ULK4: variants seen among roughly 807,000 people sequenced by gnomAD.
The protein encoded by ULK4 is inactive serine/threonine-protein kinase ULK4.
ULK4 carries 133 observed loss-of-function variants against 160.6 expected under a neutral mutation model. That is an observed-to-expected ratio of 0.83 (90% confidence interval 0.72 to 0.96). The LOEUF (loss-of-function observed/expected upper bound fraction) is 0.96. ULK4 is among the 40% of genes least tolerant of loss of function. The pLI is 0.00. For synonymous variants in ULK4, 534 were observed against 539.8 expected (o/e 0.99, Z 0.15); for missense variants, 1,580 against 1,499.5 (o/e 1.05, Z -0.89).
At chr3:41,826,540 C>G (rs1252627495) in intron 18 of ULK4, among the ~76,000 whole-genome samples, 2 of 149,812 alleles carry the variant, frequency 1.3e-5, no homozygotes, top group African/African-American at 2.5e-5. Flanking sequence ...TTTAAACCAA[C>G]AAAGATCAAA....
chr3:41,649,096 C>T (rs9832843), intron 30 of ULK4, among the ~76,000 whole-genome samples: 16,432 of 151,664 alleles, frequency 0.11, 1,022 homozygotes, highest in African/African-American at 0.16. Context: ...CCACTGCACT[C>T]CAGCCTGGGT....
rs371284862 is a variant in ULK4, at chr3:41,954,730, G to C, written c.30C>G (p.Ile10Met). 1.9e-6 allele frequency: 3 copies of C among 1,613,762 alleles called. No individual in the cohort carries two copies. The highest frequency in any genetic ancestry group is 2.5e-6 in the Non-Finnish European group (3 of 1,179,868). MENFILYEE[I>M]GRGSKTVVYK... ...AGACAACAGTCTTGCTTCCTCTTCC[G>C]ATCTCCTCATACAGAATAAAGTTTT... The change falls in exon 2 of 37, where the codon ATC (isoleucine) becomes ATG (methionine). Residue 10 changes from isoleucine (I) to methionine (M), a missense_variant. Physicochemically the swap from Ile to Met is conservative, Grantham distance 10 (BLOSUM62 1). Transcript: ENST00000301831.
chr3:41,685,584 C>T (rs181997999), intron 27 of ULK4, among the ~76,000 whole-genome samples: 149 of 152,314 alleles, frequency 9.8e-4, no homozygotes, highest in Non-Finnish European at 1.6e-3. Flanking sequence ...GAAGGAATGG[C>T]AGCCTTGTTG....
Position 41,470,497 on chromosome 3 carries a change from C to T in ULK4, c.3227-7244G>A, listed in dbSNP as rs2083961375. On this transcript the variant is annotated intron_variant, in intron 32 of 36. Transcript: ENST00000301831. The stretch of plus-strand genomic sequence containing the variant: ...AAGAGAGTTAAGTTAAACAAAAAAC[C>T]ACTAATAACATAAAACACACAAAAT... Among the ~76,000 whole-genome samples the T allele has an allele frequency of 2.6e-5, 4 of 152,030 alleles. No individual in the cohort carries two copies. In the South Asian group the frequency reaches 8.3e-4, roughly 32 times the overall value.
chr3:41,883,866 G>A lies in ULK4; in HGVS notation c.1656+8C>T. 1.3e-6 allele frequency: 2 copies of A among 1,594,824 alleles called. No homozygotes were observed. Among genetic ancestry groups the A allele is most frequent in the Non-Finnish European group, 8.6e-7 (1 of 1,162,176 alleles). On this transcript the variant is annotated splice_region_variant and intron_variant, in intron 17 of 36. Transcript: ENST00000301831. ...CATTCATCACATTTAAGTAATAAAAGACATTACCTCAACAACAGGTGTATT... is the reference window on the plus strand; with the variant it reads ...CATTCATCACATTTAAGTAATAAAAAACATTACCTCAACAACAGGTGTATT...
At chr3:41,684,712 C>T (rs1205324525) in intron 27 of ULK4, among the ~76,000 whole-genome samples, 1 of 152,206 alleles carries the variant, frequency 6.6e-6, no homozygotes, top group Non-Finnish European at 1.5e-5. Context: ...GCCTCCTCTA[C>T]CCCCTCTCTA....
intron 21 of ULK4, among the ~76,000 whole-genome samples, chr3:41,770,030 G>T (rs1025979430): frequency 4.6e-5 from 7 of 152,096 alleles, no homozygotes; most frequent in Non-Finnish European, 1.0e-4. Context: ...TTTTTGGATT[G>T]CAATTTTCCT....
intron 35 of ULK4, among the ~76,000 whole-genome samples, chr3:41,331,042 G>A (rs985501530): frequency 6.6e-6 from 1 of 152,174 alleles, no homozygotes; most frequent in Non-Finnish European, 1.5e-5. Flanking sequence ...CACTGCTCTT[G>A]GGCTGTTACT....
chr3:41,604,291 A>G (rs2032261996), intron 31 of ULK4, among the ~76,000 whole-genome samples: 1 of 152,122 alleles, frequency 6.6e-6, no homozygotes, highest in Admixed American at 6.6e-5. Context: ...GGGTGTTGCA[A>G]GAGTGGGACT....
intron 34 of ULK4, among the ~76,000 whole-genome samples, chr3:41,422,271 T>C (rs956824973): frequency 2.6e-5 from 4 of 152,108 alleles, no homozygotes; most frequent in Non-Finnish European, 1.5e-5. Flanking sequence ...TACTTAACAG[T>C]GTTTGCTTTG....
At chr3:41,249,284 T>C (rs776458514) in intron 36 of ULK4, among the ~76,000 whole-genome samples, 2 of 152,144 alleles carry the variant, frequency 1.3e-5, no homozygotes, top group South Asian at 4.1e-4. Flanking sequence ...GTCCCCTCAC[T>C]TTCCCCACCA....
At chr3:41,908,892 A>T (rs1329032771) in intron 11 of ULK4, among the ~76,000 whole-genome samples, 3 of 152,098 alleles carry the variant, frequency 2.0e-5, no homozygotes, top group Non-Finnish European at 4.4e-5. Flanking sequence ...CAGGAGTTTG[A>T]GACCAGTCTG....
At chr3:41,944,498 T>A (rs1700055451) in intron 2 of ULK4, among the ~76,000 whole-genome samples, 1 of 152,164 alleles carries the variant, frequency 6.6e-6, no homozygotes, top group South Asian at 2.1e-4. Context: ...TCTTTCCATC[T>A]CAACCTCCTG....
At chr3:41,713,951 G>A (rs1053304003) in intron 25 of ULK4, among the ~76,000 whole-genome samples, 1 of 151,908 alleles carries the variant, frequency 6.6e-6, no homozygotes, top group Non-Finnish European at 1.5e-5. Context: ...AAGAACACAA[G>A]ACAATTATAC....
At chr3:41,472,681 T>G (rs544846879) in intron 32 of ULK4, among the ~76,000 whole-genome samples, 14 of 152,154 alleles carry the variant, frequency 9.2e-5, no homozygotes, top group African/African-American at 2.6e-4. Flanking sequence ...ACTGTTGAAT[T>G]CTACCAAACT....
intron 17 of ULK4, chr3:41,882,086 C>T (rs1321385676): frequency 4.5e-6 from 3 of 660,806 alleles, no homozygotes; most frequent in African/African-American, 1.8e-5. Flanking sequence ...TCTGCCCAGC[C>T]CCTTGACAAT....
intron 34 of ULK4, among the ~76,000 whole-genome samples, chr3:41,439,763 T>C (rs1220846019): frequency 6.6e-6 from 1 of 152,210 alleles, no homozygotes; most frequent in Non-Finnish European, 1.5e-5. Context: ...CTACAAAAAA[T>C]GTCTGCTGGG....
At chr3:41,427,728 T>C (rs1244926840) in intron 34 of ULK4, among the ~76,000 whole-genome samples, 1 of 152,178 alleles carries the variant, frequency 6.6e-6, no homozygotes, top group Non-Finnish European at 1.5e-5. Context: ...CATCCCTCCA[T>C]GCTAAAAACT....
chr3:41,658,100 T>C (rs548104495), intron 30 of ULK4, among the ~76,000 whole-genome samples: 36 of 152,250 alleles, frequency 2.4e-4, no homozygotes, highest in Middle Eastern at 6.8e-3. Flanking sequence ...AATCGTCACA[T>C]AAGGGAATGG....
Sources: gnomAD v4.1 joint callset for allele counts (sites outside exome capture counted in the v4.1 genomes callset) on GRCh38, gnomAD v4.1.1 for gene constraint, MANE v1.5 for transcripts, NCBI Gene and HGNC (gene_info 2026-07-23, HGNC 2026-07-21) for gene names.